The following KCNN3 variants were observed in gnomAD, a reference collection of about 807,000 sequenced individuals.
The protein encoded by KCNN3 is small conductance calcium-activated potassium channel protein 3.
KCNN3 carries 16 observed loss-of-function variants against 62.9 expected under a neutral mutation model. The observed-to-expected ratio is 0.25, with a 90% CI of 0.17 to 0.39. KCNN3 has a LOEUF of 0.39. Among genes scored for constraint, KCNN3 ranks in the 10% least tolerant of loss-of-function variants. KCNN3 has a pLI of 1.00. For missense variants in KCNN3, 599 were observed against 949.4 expected (o/e 0.63, Z 4.85); for synonymous variants, 370 against 389.2 (o/e 0.95, Z 0.58).
chr1:154,714,240 G>A (rs1405800758), intron 6 of KCNN3, among the ~76,000 whole-genome samples: 12 of 15,232 alleles, frequency 7.9e-4, no homozygotes, highest in South Asian at 3.6e-3. Context: ...GGGTGTGTGC[G>A]GTGTGTATGG....
chr1:154,800,591 C>T (rs980192990), intron 2 of KCNN3, among the ~76,000 whole-genome samples: 5 of 152,116 alleles, frequency 3.3e-5, no homozygotes, highest in African/African-American at 1.2e-4. Flanking sequence ...GCAGACACCA[C>T]CCCACCCTGA....
At chr1:154,863,440 G>C (rs1197897227) in intron 1 of KCNN3, among the ~76,000 whole-genome samples, 1 of 152,154 alleles carries the variant, frequency 6.6e-6, no homozygotes. Context: ...ACAAATGAAT[G>C]TGCTGGCCTG....
intron 2 of KCNN3, among the ~76,000 whole-genome samples, chr1:154,795,992 G>A (rs1032877258): frequency 7.2e-5 from 11 of 152,300 alleles, no homozygotes; most frequent in African/African-American, 2.6e-4. Flanking sequence ...TTTCAGACAA[G>A]GACAAGGTCC....
intron 1 of KCNN3, among the ~76,000 whole-genome samples, chr1:154,854,401 T>G (rs1425390638): frequency 6.6e-6 from 1 of 152,208 alleles, no homozygotes; most frequent in Non-Finnish European, 1.5e-5. Context: ...GTTATCTAAC[T>G]CTGGCTGTAA....
At chr1:154,859,765 A>C in intron 1 of KCNN3, 1 of 1,614,190 alleles carries the variant, frequency 6.2e-7, no homozygotes, top group Non-Finnish European at 8.5e-7. Flanking sequence ...GTCGCGTGGC[A>C]GGCCTGGTAT....
At position 154,707,947 on chromosome 1, in the gene KCNN3, G is replaced by A; in HGVS notation, c.*29C>T. ...GTTGATTTGCATCTTAAGACCTATG[G>A]GTAATGCTTCTGGAGTGGGGAGATT... On this transcript the variant is annotated 3_prime_UTR_variant, in exon 8 of 8. Coordinates refer to ENST00000271915, the MANE Select transcript of KCNN3 (RefSeq NM_002249.6). The A allele has an allele frequency of 1.9e-6, 3 of 1,608,658 alleles. No homozygotes were observed. Among genetic ancestry groups the A allele is most frequent in the Non-Finnish European group, 2.6e-6 (3 of 1,176,460 alleles).
At position 154,728,287 on chromosome 1, in the gene KCNN3, T is replaced by C. The variant is rs999485388; in HGVS notation, c.1591-2261A>G. Among the ~76,000 whole-genome samples the C allele has an allele frequency of 2.6e-5, 4 of 152,358 alleles. No individual in the cohort carries two copies. In the South Asian group the frequency reaches 6.2e-4, roughly 24 times the overall value. ...TCTGGAGGCAGGACAGTGGACTAGA[T>C]GACACTTCCCAGTTTCTTTCAACAT... On this transcript the variant is annotated intron_variant, in intron 4 of 7. Transcript: ENST00000271915.
At chr1:154,808,937 G>A (rs796294270) in intron 2 of KCNN3, among the ~76,000 whole-genome samples, 11 of 152,272 alleles carry the variant, frequency 7.2e-5, no homozygotes, top group African/African-American at 2.6e-4. Context: ...GGTGTCGGGC[G>A]GCTCCCGCAG....
chr1:154,754,388 C>T (rs958013564), intron 3 of KCNN3, among the ~76,000 whole-genome samples: 5 of 151,980 alleles, frequency 3.3e-5, no homozygotes, highest in South Asian at 4.2e-4. Flanking sequence ...GGATGGGGAA[C>T]GATTTGAGCC....
chr1:154,857,111 C>T (rs918859035), intron 1 of KCNN3, among the ~76,000 whole-genome samples: 1 of 152,182 alleles, frequency 6.6e-6, no homozygotes, highest in Non-Finnish European at 1.5e-5. Flanking sequence ...TGCTGAACCC[C>T]CAGAACCAAC....
At chr1:154,719,393 A>C (rs1317867819) in intron 5 of KCNN3, among the ~76,000 whole-genome samples, 1 of 152,152 alleles carries the variant, frequency 6.6e-6, no homozygotes, top group African/African-American at 2.4e-5. Context: ...AGCCTACTAC[A>C]CACCTAGGCT....
chr1:154,798,089 C>G (rs995651152), intron 2 of KCNN3, among the ~76,000 whole-genome samples: 9 of 152,194 alleles, frequency 5.9e-5, no homozygotes, highest in African/African-American at 2.2e-4. Flanking sequence ...CCCGAGAGGC[C>G]AGGGTACAAT....
rs551181517 is a variant in KCNN3 at position 154,787,766 on chromosome 1, C to G, written c.1030-15373G>C. On this transcript the variant is annotated intron_variant, in intron 2 of 7. Coordinates refer to ENST00000271915, the MANE Select transcript of KCNN3 (RefSeq NM_002249.6). ...GGCCAAGAGGCCTTGTCTGCCTCCA[C>G]CTTCTAAACCCCCGTTTGGATATCC... 5.8e-4 allele frequency among the ~76,000 whole-genome samples: 88 copies of G among 152,198 alleles called. 1 individual carries two copies. The highest frequency in any genetic ancestry group is 1.2e-4 in the African/African-American group (5 of 41,448).
chr1:154,845,741 G>A (rs566332343), intron 1 of KCNN3, among the ~76,000 whole-genome samples: 1 of 152,236 alleles, frequency 6.6e-6, no homozygotes, highest in Admixed American at 6.5e-5. Flanking sequence ...AAGGGCACAC[G>A]TCCTTCCCTT....
At chr1:154,709,118 T>A (rs542705688) in intron 7 of KCNN3, among the ~76,000 whole-genome samples, 109 of 152,280 alleles carry the variant, frequency 7.2e-4, no homozygotes, top group Admixed American at 3.0e-3. Flanking sequence ...ACTCCCCGTG[T>A]TCCAGGGGTG....
At chr1:154,753,650 T>A (rs962505771) in intron 3 of KCNN3, among the ~76,000 whole-genome samples, 5 of 152,208 alleles carry the variant, frequency 3.3e-5, no homozygotes, top group Admixed American at 3.3e-4. Context: ...AGCCACCACA[T>A]CCTCATCCAC....
chr1:154,698,938 A>G lies in KCNN3; in HGVS notation c.*9038T>C, dbSNP rs1699795856. 6.6e-6 allele frequency: 1 copy of G among 152,186 alleles called. No individual in the cohort carries two copies. Among genetic ancestry groups the G allele is most frequent in the African/African-American group, 2.4e-5 (1 of 41,444 alleles). 9.4% of individuals were successfully genotyped at this position (152,186 alleles called of 1,614,324 possible). On this transcript the variant is annotated 3_prime_UTR_variant, in exon 8 of 8. Transcript: ENST00000271915. ...AGCATGTGAAGACCGGGCCCTTCTG[A>G]TGCTGATGTGTGGAGAAAACTGGGC... is the stretch of plus-strand genomic sequence containing the variant.
At chr1:154,813,008 A>G (rs1056081025) in intron 2 of KCNN3, among the ~76,000 whole-genome samples, 3 of 152,202 alleles carry the variant, frequency 2.0e-5, no homozygotes, top group African/African-American at 2.4e-5. Flanking sequence ...TCTGGCTACA[A>G]TCAGAGTTCT....
chr1:154,708,380 A>G (rs1467649647), intron 7 of KCNN3, 108 bp from the exon 8 acceptor site: 21 of 1,084,504 alleles, frequency 1.9e-5, no homozygotes, highest in Non-Finnish European at 2.8e-5. Flanking sequence ...AGCCACTTCC[A>G]CACCAGCTGA....
Sources: gnomAD v4.1 joint callset for allele counts (sites outside exome capture counted in the v4.1 genomes callset) on GRCh38, gnomAD v4.1.1 for gene constraint, MANE v1.5 for transcripts, NCBI Gene and HGNC (gene_info 2026-07-23, HGNC 2026-07-21) for gene names.